GPBP1: variants seen among roughly 807,000 people sequenced by gnomAD.
GPBP1 encodes the protein GC-rich promoter binding protein 1, also known as vasculin.
In GPBP1, 13 loss-of-function variants were observed where a neutral mutation model predicts 56.5. The ratio of observed to expected loss-of-function variants is 0.23; its 90% confidence interval spans 0.15 to 0.37. GPBP1 has a LOEUF of 0.37. Ranked by LOEUF, GPBP1 falls within the 10% of genes least tolerant of loss-of-function variation. The pLI is 1.00. For missense variants in GPBP1, 477 were observed against 572.3 expected (o/e 0.83, Z 1.70); for synonymous variants, 204 against 188.9 (o/e 1.08, Z -0.66).
intron 6 of GPBP1, among the ~76,000 whole-genome samples, chr5:57,241,176 A>G (rs2111898899): frequency 6.6e-6 from 1 of 152,312 alleles, no homozygotes; most frequent in African/African-American, 2.4e-5. Context: ...CAGAAACTTC[A>G]TGTATGTAGA....
intron 3 of GPBP1, chr5:57,221,352 A>T: frequency 6.6e-7 from 1 of 1,517,776 alleles, no homozygotes; most frequent in Non-Finnish European, 8.9e-7. Context: ...GCCAATTGTG[A>T]CTGATCTTAT....
At chr5:57,259,672 TG>T (rs1460279057) in intron 10 of GPBP1, among the ~76,000 whole-genome samples, 1 of 152,140 alleles carries the variant, frequency 6.6e-6, no homozygotes, top group African/African-American at 2.4e-5. Context: ...GACTGAAAGG[TG>T]GATGCCTAAT....
chr5:57,204,957 G>C (rs1323397326), intron 2 of GPBP1, among the ~76,000 whole-genome samples: 1 of 152,056 alleles, frequency 6.6e-6, no homozygotes, highest in Non-Finnish European at 1.5e-5. Flanking sequence ...TTTTATTAAA[G>C]TAAAAATAAC....
chr5:57,197,863 A>T (rs1237836367), intron 2 of GPBP1, among the ~76,000 whole-genome samples: 1 of 151,716 alleles, frequency 6.6e-6, no homozygotes, highest in Admixed American at 6.6e-5. Context: ...ATGTTTGATG[A>T]TTATTAGTTC....
intron 2 of GPBP1, among the ~76,000 whole-genome samples, chr5:57,188,350 C>T (rs1754380373): frequency 2.0e-5 from 3 of 152,046 alleles, no homozygotes; most frequent in South Asian, 4.1e-4. Flanking sequence ...TGCAAATGAT[C>T]TCAAGTTTAA....
intron 6 of GPBP1, chr5:57,237,124 C>G: frequency 6.5e-7 from 1 of 1,548,470 alleles, no homozygotes; most frequent in Non-Finnish European, 8.7e-7. Context: ...CCTACACGCC[C>G]AGACACACAC....
chr5:57,214,257 T>G (rs1426302814), intron 3 of GPBP1, 64 bp downstream of exon 3: 11 of 1,310,534 alleles, frequency 8.4e-6, no homozygotes, highest in Non-Finnish European at 1.1e-5. Flanking sequence ...ACAAATGTAA[T>G]TAAGTCATGG....
chr5:57,188,613 G>A (rs1226349753), intron 2 of GPBP1, among the ~76,000 whole-genome samples: 3 of 151,900 alleles, frequency 2.0e-5, no homozygotes, highest in African/African-American at 7.3e-5. Context: ...CATGGTATTG[G>A]GTGCCTGTAA....
At chr5:57,197,387 C>T (rs1275843742) in intron 2 of GPBP1, among the ~76,000 whole-genome samples, 3 of 124,160 alleles carry the variant, frequency 2.4e-5, no homozygotes, top group East Asian at 2.2e-4. Context: ...TGGACAGTCT[C>T]GCTCCGTCGC....
intron 10 of GPBP1, among the ~76,000 whole-genome samples, chr5:57,256,227 C>G (rs922300610): frequency 2.0e-5 from 3 of 151,840 alleles, no homozygotes; most frequent in African/African-American, 7.3e-5. Context: ...TGAACTCTAG[C>G]CTGGACGGCA....
At chr5:57,247,817 C>G (rs1000410351) in intron 8 of GPBP1, among the ~76,000 whole-genome samples, 1 of 152,070 alleles carries the variant, frequency 6.6e-6, no homozygotes, top group African/African-American at 2.4e-5. Context: ...GTTTGTGGCT[C>G]ACTGGTGCCT....
At chr5:57,209,531 A>G (rs1010135666) in intron 2 of GPBP1, among the ~76,000 whole-genome samples, 3 of 152,174 alleles carry the variant, frequency 2.0e-5, no homozygotes, top group Non-Finnish European at 4.4e-5. Context: ...AGTGTTGAAT[A>G]GAGCTTGTGA....
intron 2 of GPBP1, among the ~76,000 whole-genome samples, chr5:57,212,739 G>A (rs951155409): frequency 1.4e-5 from 2 of 142,664 alleles, no homozygotes; most frequent in Non-Finnish European, 3.0e-5. Flanking sequence ...GCTCTATTTC[G>A]GCTCACTGCA....
In GPBP1 at chr5:57,174,197, C is replaced by T. The variant is rs1753690242; in HGVS notation, c.-1025C>T. ...CGGCACCCCCAGGCCAGGGGCACCTCTGGTGGGGCAGAAGGTAACACCGTC... is the reference window on the plus strand; with the variant it reads ...CGGCACCCCCAGGCCAGGGGCACCTTTGGTGGGGCAGAAGGTAACACCGTC... On this transcript the variant is annotated 5_prime_UTR_variant, in exon 1 of 12. Coordinates refer to ENST00000506184, the MANE Select transcript of GPBP1 (RefSeq NM_022913.4). 1 of 152,966 alleles carries T rather than the reference C, an allele frequency of 6.5e-6. No individual in the cohort carries two copies. Among genetic ancestry groups the T allele is most frequent in the Non-Finnish European group, 1.5e-5 (1 of 68,378 alleles). 9.5% of individuals were successfully genotyped at this position (152,966 alleles called of 1,614,324 possible).
intron 3 of GPBP1, among the ~76,000 whole-genome samples, chr5:57,224,591 G>A (rs915073279): frequency 6.6e-6 from 1 of 151,936 alleles, no homozygotes; most frequent in African/African-American, 2.4e-5. Context: ...GACTACAGGT[G>A]CGCACCACCA....
chr5:57,223,248 G>A (rs906050317), intron 3 of GPBP1, among the ~76,000 whole-genome samples: 2 of 151,994 alleles, frequency 1.3e-5, no homozygotes, highest in East Asian at 1.9e-4. Flanking sequence ...GTGCCACCAC[G>A]CCCAGCTAAT....
chr5:57,187,886 G>GAT (rs35653365), intron 2 of GPBP1, among the ~76,000 whole-genome samples: 331 of 148,990 alleles, frequency 2.2e-3, no homozygotes, highest in East Asian at 4.9e-3. Context: ...GCAGAAACCA[G>GAT]ATATATATAT....
intron 3 of GPBP1, among the ~76,000 whole-genome samples, chr5:57,220,847 T>C (rs891911604): frequency 3.9e-5 from 6 of 152,188 alleles, no homozygotes; most frequent in South Asian, 2.1e-4. Flanking sequence ...AGTGATACTT[T>C]TATTGTACCT....
At chr5:57,194,189 T>G (rs1561329017) in intron 2 of GPBP1, among the ~76,000 whole-genome samples, 1 of 152,188 alleles carries the variant, frequency 6.6e-6, no homozygotes, top group African/African-American at 2.4e-5. Flanking sequence ...GTTTCTTGTT[T>G]TTGTTTCTTT....
Sources: gnomAD v4.1 joint callset for allele counts (sites outside exome capture counted in the v4.1 genomes callset) on GRCh38, gnomAD v4.1.1 for gene constraint, MANE v1.5 for transcripts, NCBI Gene and HGNC (gene_info 2026-07-23, HGNC 2026-07-21) for gene names.